Variants in KPNA1 observed in about 807,000 individuals in gnomAD.
KPNA1 encodes the protein karyopherin subunit alpha 1.
A neutral mutation model predicts 70.5 loss-of-function variants in KPNA1; 10 were observed. That is an observed-to-expected ratio of 0.14 (90% CI 0.09 to 0.24). KPNA1 has a LOEUF of 0.24. Among genes scored for constraint, KPNA1 ranks in the 10% least tolerant of loss-of-function variants. The pLI is 1.00. For missense variants in KPNA1, 397 were observed against 637.9 expected (o/e 0.62, Z 4.07); for synonymous variants, 192 against 221.9 (o/e 0.87, Z 1.20).
At chr3:122,446,059 A>T (rs1294326605) in intron 9 of KPNA1, among the ~76,000 whole-genome samples, 1 of 152,194 alleles carries the variant, frequency 6.6e-6, no homozygotes, top group Non-Finnish European at 1.5e-5. Flanking sequence ...TTACACTCCC[A>T]CGCAATAATA....
intron 10 of KPNA1, among the ~76,000 whole-genome samples, chr3:122,437,816 C>A (rs754546624): frequency 6.7e-6 from 1 of 149,104 alleles, no homozygotes; most frequent in Non-Finnish European, 1.5e-5. Context: ...ACCTACTCTA[C>A]TAGAAACTAA....
intron 2 of KPNA1, among the ~76,000 whole-genome samples, chr3:122,492,329 G>A (rs1297600766): frequency 6.6e-6 from 1 of 152,122 alleles, no homozygotes; most frequent in Non-Finnish European, 1.5e-5. Context: ...CTACTTATCT[G>A]CTATGTAATC....
intron 2 of KPNA1, among the ~76,000 whole-genome samples, chr3:122,495,726 C>CA (rs397876048): frequency 0.01 from 681 of 67,768 alleles, 18 homozygotes; most frequent in African/African-American, 0.019. Flanking sequence ...CTCTCCTTAG[C>CA]AAAAAAAAAA....
At chr3:122,463,392 G>T (rs1473745896) in intron 4 of KPNA1, among the ~76,000 whole-genome samples, 3 of 150,966 alleles carry the variant, frequency 2.0e-5, no homozygotes, top group Non-Finnish European at 4.4e-5. Context: ...GTGGTGGCGT[G>T]TAACTGTAAT....
chr3:122,479,260 G>C (rs1230243024), intron 2 of KPNA1, among the ~76,000 whole-genome samples: 1 of 152,140 alleles, frequency 6.6e-6, no homozygotes, highest in Non-Finnish European at 1.5e-5. Flanking sequence ...ACAAGCATAT[G>C]AAGAGGTAAC....
intron 1 of KPNA1, among the ~76,000 whole-genome samples, chr3:122,508,090 T>G (rs1186289761): frequency 1.3e-5 from 2 of 151,918 alleles, no homozygotes; most frequent in African/African-American, 2.4e-5. Flanking sequence ...TGTAAAGAAA[T>G]AAAATGGTAG....
rs1177866466 is a variant in KPNA1, at chr3:122,424,584, CTTTGT to C, written c.*2396_*2400del. On this transcript the variant is annotated 3_prime_UTR_variant, in exon 14 of 14. Transcript: ENST00000344337. ...AAATAGATCACGTCAGTTAAATAGA[CTTTGT>C]TTTAATTCACTCACTGAAACATCTC... 2 of 152,640 alleles carry C rather than the reference CTTTGT, an allele frequency of 1.3e-5. No individual in the cohort carries two copies. Among genetic ancestry groups the C allele is most frequent in the Admixed American group, 6.5e-5 (1 of 15,282 alleles). 9.5% of individuals were successfully genotyped at this position (152,640 alleles called of 1,614,324 possible).
At chr3:122,441,138 G>T (rs2076057171) in intron 10 of KPNA1, among the ~76,000 whole-genome samples, 1 of 152,200 alleles carries the variant, frequency 6.6e-6, no homozygotes, top group African/African-American at 2.4e-5. Context: ...TTGCCCCGTG[G>T]AAGATGTCCA....
intron 4 of KPNA1, among the ~76,000 whole-genome samples, chr3:122,463,297 G>A (rs980952831): frequency 6.0e-5 from 9 of 151,128 alleles, no homozygotes; most frequent in South Asian, 2.1e-4. Flanking sequence ...GCAGTGAGCC[G>A]AGATAGCGCC....
intron 3 of KPNA1, among the ~76,000 whole-genome samples, chr3:122,467,019 A>G (rs1416183062): frequency 3.6e-5 from 5 of 138,414 alleles, no homozygotes; most frequent in African/African-American, 1.5e-4. Flanking sequence ...AAATAAATAA[A>G]TAAATAAATA....
intron 2 of KPNA1, among the ~76,000 whole-genome samples, chr3:122,475,967 T>C (rs1399995134): frequency 6.6e-6 from 1 of 152,102 alleles, no homozygotes; most frequent in African/African-American, 2.4e-5. Context: ...GTCTCAGAAG[T>C]GGCAAAGGCA....
chr3:122,512,890 A>G (rs913997760), intron 1 of KPNA1, among the ~76,000 whole-genome samples: 1 of 152,162 alleles, frequency 6.6e-6, no homozygotes, highest in East Asian at 1.9e-4. Context: ...TGCCTTTACT[A>G]TTTAGTAGAG....
At position 122,451,910 on chromosome 3, in the gene KPNA1, C is replaced by T. The variant is rs1576299583; in HGVS notation, c.653+66G>A. The T allele has an allele frequency of 3.7e-5, 36 of 974,884 alleles. No individual in the cohort carries two copies. In the East Asian group the frequency reaches 8.7e-4, roughly 24 times the overall value. The allele number at this position is 974,884 out of a possible 1,614,324, so 60.4% of individuals were successfully genotyped here. ...ATGATTTCCAAACATGTAATGCTTT[C>T]TGAGGAATCTCTTACATTTTTATTC... On this transcript the variant is annotated intron_variant, in intron 7 of 13. Coordinates refer to ENST00000344337, the MANE Select transcript of KPNA1 (RefSeq NM_002264.4).
At chr3:122,467,520 A>G (rs1238749737) in intron 2 of KPNA1, 91 bp from the exon 3 acceptor site, 8 of 661,828 alleles carry the variant, frequency 1.2e-5, no homozygotes, top group African/African-American at 1.8e-5. Context: ...TTCAAAGTGA[A>G]GTCTTTGAAA....
intron 2 of KPNA1, among the ~76,000 whole-genome samples, chr3:122,474,502 T>G (rs1163057922): frequency 2.6e-5 from 4 of 151,994 alleles, no homozygotes; most frequent in Non-Finnish European, 5.9e-5. Context: ...TGAAACAGAA[T>G]AGAGAGCCCA....
intron 2 of KPNA1, among the ~76,000 whole-genome samples, chr3:122,488,185 T>C (rs979700825): frequency 6.6e-6 from 1 of 152,104 alleles, no homozygotes; most frequent in Non-Finnish European, 1.5e-5. Flanking sequence ...AAATTTGAGG[T>C]GAAAAGCTGA....
intron 1 of KPNA1, among the ~76,000 whole-genome samples, chr3:122,502,313 T>A (rs571472964): frequency 7.2e-5 from 11 of 152,314 alleles, no homozygotes; most frequent in Non-Finnish European, 1.6e-4. Context: ...CCAGTGTGAC[T>A]TGTATTTTGT....
At chr3:122,458,939 G>T (rs2076293577) in intron 5 of KPNA1, among the ~76,000 whole-genome samples, 1 of 152,158 alleles carries the variant, frequency 6.6e-6, no homozygotes. Context: ...CAAACAGTTG[G>T]TTATTTCTCA....
At position 122,427,770 on chromosome 3, in the gene KPNA1, T is replaced by A. The variant is rs1421218694; in HGVS notation, c.1251-54A>T. 1.5e-5 allele frequency: 18 copies of A among 1,228,898 alleles called. No homozygotes were observed. The Admixed American group carries it at 4.2e-4, about 28-fold the overall frequency. 76.1% of individuals were successfully genotyped at this position (1,228,898 alleles called of 1,614,324 possible). Reference sequence around the variant, plus strand: ...AAAACTTTTAATTTTGTTAAACTTATGAAATTAGTGAGCAAGTCATCCTCA... The same window carrying A: ...AAAACTTTTAATTTTGTTAAACTTAAGAAATTAGTGAGCAAGTCATCCTCA... On this transcript the variant is annotated intron_variant, in intron 12 of 13. Coordinates refer to ENST00000344337, the MANE Select transcript of KPNA1 (RefSeq NM_002264.4).
Sources: gnomAD v4.1 joint callset for allele counts (sites outside exome capture counted in the v4.1 genomes callset) on GRCh38, gnomAD v4.1.1 for gene constraint, MANE v1.5 for transcripts, NCBI Gene and HGNC (gene_info 2026-07-23, HGNC 2026-07-21) for gene names.